Variants in KCNMB2 observed in about 807,000 individuals in gnomAD.
The protein encoded by KCNMB2 is potassium calcium-activated channel subfamily M regulatory beta subunit 2.
In KCNMB2, 9 loss-of-function variants were observed where a neutral mutation model predicts 24.5. That is an observed-to-expected ratio of 0.37 (90% CI 0.22 to 0.64). The LOEUF (loss-of-function observed/expected upper bound fraction) is 0.64, where lower values mean the gene tolerates loss of function less well. Among genes scored for constraint, KCNMB2 ranks in the 30% least tolerant of loss-of-function variants. The pLI, the probability that KCNMB2 is intolerant of heterozygous loss-of-function variation, is 0.63. For synonymous variants in KCNMB2, 109 were observed against 104.4 expected (o/e 1.04, Z -0.27); for missense variants, 226 against 284.3 (o/e 0.79, Z 1.47).
At chr3:178,671,216 G>A (rs1266453642) in intron 1 of KCNMB2, among the ~76,000 whole-genome samples, 1 of 151,934 alleles carries the variant, frequency 6.6e-6, no homozygotes, top group Non-Finnish European at 1.5e-5. Context: ...CAAAATGCCT[G>A]TATTGTTTCC....
In KCNMB2 at chr3:178,844,241, T is replaced by C. The variant is rs575268080; in HGVS notation, c.*1304T>C. The C allele has an allele frequency of 2.6e-5, 4 of 152,660 alleles. No individual in the cohort carries two copies. The highest frequency in any genetic ancestry group is 4.1e-4 in the South Asian group (2 of 4,832). The allele number at this position is 152,660 out of a possible 1,614,324, so 9.5% of individuals were successfully genotyped here. A position where few individuals can be genotyped will look rare whatever the true frequency, so the allele number is the denominator to read the frequency against. ...ATTTAAGTACCTTTTTGTAATGTAG[T>C]ATCAAAGTTTTTTAGGTAATGCAAA... is the stretch of plus-strand genomic sequence containing the variant. On this transcript the variant is annotated 3_prime_UTR_variant, in exon 5 of 5. Transcript: ENST00000452583.
rs73051651 is a variant in KCNMB2 at position 178,739,504 on chromosome 3, A to G, written c.-67-67839A>G. On this transcript the variant is annotated intron_variant, in intron 1 of 4. Transcript: ENST00000452583. ...CTAGTTCAACATACTGAGTCTGACCAAATTTTCCAGCAAATTACCATGCTT... is the reference window on the plus strand; with the variant it reads ...CTAGTTCAACATACTGAGTCTGACCGAATTTTCCAGCAAATTACCATGCTT... Among the ~76,000 whole-genome samples, 568 of 152,342 alleles carry G rather than the reference A, an allele frequency of 3.7e-3. 4 individuals are homozygous for G. Among genetic ancestry groups the G allele is most frequent in the African/African-American group, 0.013 (541 of 41,576 alleles).
intron 1 of KCNMB2, among the ~76,000 whole-genome samples, chr3:178,603,170 A>T (rs1161694837): frequency 6.6e-6 from 1 of 152,142 alleles, no homozygotes; most frequent in East Asian, 1.9e-4. Flanking sequence ...AAGAGATGGG[A>T]CAGAAAAATG....
intron 1 of KCNMB2, among the ~76,000 whole-genome samples, chr3:178,622,468 G>T (rs767875034): frequency 6.6e-6 from 1 of 152,172 alleles, no homozygotes; most frequent in Non-Finnish European, 1.5e-5. Flanking sequence ...ATAATGTTGA[G>T]TCTCAGAAAG....
At chr3:178,803,744 T>C (rs988120239) in intron 1 of KCNMB2, among the ~76,000 whole-genome samples, 1 of 151,990 alleles carries the variant, frequency 6.6e-6, no homozygotes, top group Admixed American at 6.6e-5. Flanking sequence ...AGAGAAGACC[T>C]CACAGAAGAG....
chr3:178,834,883 G>A (rs13100117), intron 4 of KCNMB2, among the ~76,000 whole-genome samples: 32,884 of 151,780 alleles, frequency 0.22, 3,851 homozygotes, highest in Middle Eastern at 0.29. Context: ...GTGCCAGAAA[G>A]AAGCTGATAC....
At chr3:178,570,388 C>CA (rs1380643692) in intron 1 of KCNMB2, among the ~76,000 whole-genome samples, 1 of 151,706 alleles carries the variant, frequency 6.6e-6, no homozygotes. Flanking sequence ...GGTCATTAGA[C>CA]AAAACGTGAA....
At chr3:178,801,186 G>A (rs1012331270) in intron 1 of KCNMB2, among the ~76,000 whole-genome samples, 1 of 152,078 alleles carries the variant, frequency 6.6e-6, no homozygotes, top group Admixed American at 6.6e-5. Flanking sequence ...AGTAATAATT[G>A]GATGGTTTGT....
intron 1 of KCNMB2, among the ~76,000 whole-genome samples, chr3:178,689,206 A>C (rs1406143331): frequency 2.6e-5 from 4 of 152,164 alleles, no homozygotes; most frequent in Non-Finnish European, 5.9e-5. Flanking sequence ...AAAAAAATGT[A>C]CATTGACTTG....
At chr3:178,658,493 C>T (rs1359025579) in intron 1 of KCNMB2, among the ~76,000 whole-genome samples, 1 of 152,208 alleles carries the variant, frequency 6.6e-6, no homozygotes, top group African/African-American at 2.4e-5. Context: ...GCTCATGGTA[C>T]TAATTACTCC....
intron 2 of KCNMB2, among the ~76,000 whole-genome samples, chr3:178,817,832 T>C (rs1292663566): frequency 6.6e-6 from 1 of 152,194 alleles, no homozygotes; most frequent in East Asian, 1.9e-4. Context: ...TCTCACAACC[T>C]ATGCTTGTTG....
chr3:178,727,319 A>T (rs7626300), intron 1 of KCNMB2, among the ~76,000 whole-genome samples: 92 of 152,218 alleles, frequency 6.0e-4, no homozygotes, highest in African/African-American at 2.0e-3. Context: ...GACTCAAATA[A>T]ATTGTCACTC....
In KCNMB2 at chr3:178,773,330, C is replaced by T. The variant is rs77924201; in HGVS notation, c.-67-34013C>T. On this transcript the variant is annotated intron_variant, in intron 1 of 4. Transcript: ENST00000452583. ...ACTGCTTTCTTACTATTCAACATGG[C>T]TTTTATTTTTAAATTTTAAGTATTT... 8.7e-3 allele frequency among the ~76,000 whole-genome samples: 1,319 copies of T among 152,100 alleles called. 32 individuals carry two copies. The highest frequency in any genetic ancestry group is 0.071 in the South Asian group (340 of 4,810).
chr3:178,719,767 T>C lies in KCNMB2; in HGVS notation c.-67-87576T>C, dbSNP rs764624784. On this transcript the variant is annotated intron_variant, in intron 1 of 4. Transcript: ENST00000452583. ...GTAAAATTGACTCTTTTTTTGGTGTTTGATTCTGTACATTTTAATACACAT... is the reference window on the plus strand; with the variant it reads ...GTAAAATTGACTCTTTTTTTGGTGTCTGATTCTGTACATTTTAATACACAT... Among the ~76,000 whole-genome samples the C allele has an allele frequency of 6.8e-4, 103 of 152,176 alleles. 1 individual carries two copies. The highest frequency in any genetic ancestry group is 1.3e-4 in the Non-Finnish European group (9 of 68,024).
Position 178,757,873 on chromosome 3 carries a change from C to A in KCNMB2, c.-67-49470C>A, listed in dbSNP as rs1177393558. ...TATCCAAGAGGATACATATATATAT[C>A]CAAGAGGATACATATATATATCCAA... is the stretch of plus-strand genomic sequence containing the variant. On this transcript the variant is annotated intron_variant, in intron 1 of 4. Coordinates refer to ENST00000452583, the MANE Select transcript of KCNMB2 (RefSeq NM_181361.3). Among the ~76,000 whole-genome samples the A allele has an allele frequency of 5.2e-5, 5 of 96,654 alleles. No individual in the cohort carries two copies. In the South Asian group the frequency reaches 1.4e-3, roughly 27 times the overall value. The allele number at this position is 96,654 out of a possible 152,430, so 63.4% of individuals were successfully genotyped here.
intron 1 of KCNMB2, among the ~76,000 whole-genome samples, chr3:178,703,460 T>TC (rs1274959705): frequency 6.6e-6 from 1 of 152,082 alleles, no homozygotes; most frequent in Non-Finnish European, 1.5e-5. Context: ...GCTGGTCATT[T>TC]CAGTCAGGGG....
chr3:178,723,746 TTTTCTG>T (rs1445458095), intron 1 of KCNMB2, among the ~76,000 whole-genome samples: 1 of 152,206 alleles, frequency 6.6e-6, no homozygotes, highest in African/African-American at 2.4e-5. Context: ...TGGTACTTTA[TTTTCTG>T]TTTCTGTGTT....
intron 1 of KCNMB2, among the ~76,000 whole-genome samples, chr3:178,786,890 C>T (rs985250933): frequency 3.3e-5 from 5 of 150,668 alleles, no homozygotes; most frequent in Non-Finnish European, 7.4e-5. Context: ...TACATTTAAC[C>T]AAAGACAGAT....
chr3:178,602,256 C>A (rs918787332), intron 1 of KCNMB2, among the ~76,000 whole-genome samples: 2 of 151,878 alleles, frequency 1.3e-5, no homozygotes, highest in African/African-American at 2.4e-5. Flanking sequence ...GCAGCATGAA[C>A]CCAGAGGGAT....
Sources: gnomAD v4.1 joint callset for allele counts (sites outside exome capture counted in the v4.1 genomes callset) on GRCh38, gnomAD v4.1.1 for gene constraint, MANE v1.5 for transcripts, NCBI Gene and HGNC (gene_info 2026-07-23, HGNC 2026-07-21) for gene names.